The following DNM2 variants were observed in gnomAD, a reference collection of about 807,000 sequenced individuals.
The protein encoded by DNM2 is dynamin 2, also known as dynamin-2.
In DNM2, 15 loss-of-function variants were observed where a neutral mutation model predicts 99.0. The ratio of observed to expected loss-of-function variants is 0.15; its 90% confidence interval spans 0.10 to 0.23. The LOEUF is 0.23. DNM2 is among the 10% of genes least tolerant of loss of function. DNM2 has a pLI of 1.00. For missense variants in DNM2, 742 were observed against 1,189.4 expected, an observed-to-expected ratio of 0.62 and a Z score of 5.53; for synonymous variants, 525 against 481.2, an observed-to-expected ratio of 1.09 and a Z score of -1.19.
At position 10,718,680 on chromosome 19, in the gene DNM2, G is replaced by C. The variant is rs1403989365; in HGVS notation, c.161+277G>C. ...GAACCCTGCGGTCCATCTGGTCCCA[G>C]CTTTCGTGGGTGAAGTCTGCCATCT... On this transcript the variant is annotated intron_variant, in intron 1 of 20. Coordinates refer to ENST00000389253, the MANE Select transcript of DNM2 (RefSeq NM_001005361.3). The C allele has an allele frequency of 2.5e-4, 76 of 300,950 alleles. 1 individual carries two copies. The highest frequency in any genetic ancestry group is 1.8e-5 in the Non-Finnish European group (3 of 170,132). 18.6% of individuals were successfully genotyped at this position (300,950 alleles called of 1,614,324 possible).
At chr19:10,808,159 AAG>A (rs1490707061) in intron 13 of DNM2, among the ~76,000 whole-genome samples, 2 of 151,736 alleles carry the variant, frequency 1.3e-5, no homozygotes, top group Non-Finnish European at 2.9e-5. Flanking sequence ...AAAAAAAAGA[AAG>A]AAAGAAAAGG....
chr19:10,735,599 C>T (rs1179035746), intron 1 of DNM2, among the ~76,000 whole-genome samples: 3 of 151,908 alleles, frequency 2.0e-5, no homozygotes, highest in Non-Finnish European at 1.5e-5. Context: ...CTGCGACCTC[C>T]GCCTCCCGGA....
In DNM2 at chr19:10,742,438, G is replaced by C. The variant is rs187567868; in HGVS notation, c.162-17300G>C. Among the ~76,000 whole-genome samples, 3 of 152,304 alleles carry C rather than the reference G, an allele frequency of 2.0e-5. No homozygotes were observed. The East Asian group carries it at 5.8e-4, about 29-fold the overall frequency. Reference sequence around the variant, plus strand: ...GGGCCTTATGCGTGCTAGACCCTGGGTTTGTCCTGCTGACAACCCCATAGT... The same window carrying C: ...GGGCCTTATGCGTGCTAGACCCTGGCTTTGTCCTGCTGACAACCCCATAGT... On this transcript the variant is annotated intron_variant, in intron 1 of 20. Transcript: ENST00000389253.
Position 10,818,916 on chromosome 19 carries a change from C to T in DNM2, c.1672-1064C>T, listed in dbSNP as rs2072872689. 1.3e-5 allele frequency among the ~76,000 whole-genome samples: 2 copies of T among 152,124 alleles called. No homozygotes were observed. The highest frequency in any genetic ancestry group is 4.1e-4 in the South Asian group (2 of 4,828). On this transcript the variant is annotated intron_variant, in intron 15 of 20. Coordinates refer to ENST00000389253, the MANE Select transcript of DNM2 (RefSeq NM_001005361.3). The surrounding 1 kb of genome is among the most constrained non-coding windows in gnomAD (Gnocchi z 4.3). The stretch of plus-strand genomic sequence containing the variant: ...CTAGGAGGGATCCGTGAACTGAGAC[C>T]AAGCAGTGCATGGCATGGGTCCCCA...
chr19:10,748,666 C>T (rs926277265), intron 1 of DNM2, among the ~76,000 whole-genome samples: 1 of 152,188 alleles, frequency 6.6e-6, no homozygotes, highest in African/African-American at 2.4e-5. Flanking sequence ...GGTGTCCCAC[C>T]CACATTCGTG....
intron 1 of DNM2, among the ~76,000 whole-genome samples, chr19:10,757,501 G>T (rs140436201): frequency 6.6e-6 from 1 of 152,208 alleles, no homozygotes; most frequent in Admixed American, 6.5e-5. Context: ...CCACCTGCCA[G>T]CTGGGAATGA....
intron 2 of DNM2, among the ~76,000 whole-genome samples, chr19:10,760,570 G>A (rs1030187432): frequency 6.6e-6 from 1 of 152,008 alleles, no homozygotes; most frequent in Non-Finnish European, 1.5e-5. Flanking sequence ...CCAGATATCT[G>A]GCTGGTTTTA....
At chr19:10,788,345 G>C (rs1276758513) in intron 7 of DNM2, among the ~76,000 whole-genome samples, 3 of 152,242 alleles carry the variant, frequency 2.0e-5, no homozygotes, top group Non-Finnish European at 4.4e-5. Flanking sequence ...CCTGGGGCAG[G>C]ACTGGGCCGG....
chr19:10,813,597 G>A (rs2072628515), intron 15 of DNM2, among the ~76,000 whole-genome samples: 1 of 151,996 alleles, frequency 6.6e-6, no homozygotes, highest in African/African-American at 2.4e-5. Flanking sequence ...GCTGAGGTGG[G>A]AGGATGGCCT....
intron 17 of DNM2, chr19:10,824,725 G>T: frequency 2.6e-6 from 1 of 385,438 alleles, no homozygotes; most frequent in Non-Finnish European, 4.9e-6. Context: ...GATCACTTGA[G>T]CTCTCCCTGG....
chr19:10,799,159 C>A (rs1384843522), intron 11 of DNM2, among the ~76,000 whole-genome samples: 1 of 152,146 alleles, frequency 6.6e-6, no homozygotes, highest in Admixed American at 6.5e-5. Flanking sequence ...CCCACAAGAT[C>A]AAGGCTTCAG....
chr19:10,769,297 C>G (rs2070899858), intron 2 of DNM2: 1 of 152,378 alleles, frequency 6.6e-6, no homozygotes, highest in Non-Finnish European at 1.5e-5. Context: ...CCAGTACATG[C>G]TGGGCTCTGG....
Position 10,776,811 on chromosome 19 carries a change from G to A in DNM2, c.590-307G>A, listed in dbSNP as rs114463409. Among the ~76,000 whole-genome samples the A allele has an allele frequency of 3.3e-3, 496 of 152,336 alleles. 1 individual carries two copies. The highest frequency in any genetic ancestry group is 0.011 in the African/African-American group (475 of 41,574). On this transcript the variant is annotated intron_variant, in intron 4 of 20. Transcript: ENST00000389253. ...AATCTGGCCCAGGAATCATGTTTAC[G>A]TGAGGTTTCCCAAAGCCTGCAGCAG...
intron 12 of DNM2, among the ~76,000 whole-genome samples, chr19:10,804,563 G>A (rs2072269462): frequency 6.6e-6 from 1 of 152,042 alleles, no homozygotes; most frequent in Non-Finnish European, 1.5e-5. Flanking sequence ...TGGTGGTGGT[G>A]CGTAATCTCA....
chr19:10,758,735 CG>C (rs1568283190), intron 1 of DNM2, among the ~76,000 whole-genome samples: 1 of 151,214 alleles, frequency 6.6e-6, no homozygotes, highest in Non-Finnish European at 1.5e-5. Context: ...TTAGTAGAGA[CG>C]GGGTTTCGCC....
rs1306630821 is a variant in DNM2, at chr19:10,772,840, G to A, written c.385+212G>A. On this transcript the variant is annotated intron_variant, in intron 3 of 20. Transcript: ENST00000389253. This position sits in a 1 kb window ranked among gnomAD's most constrained non-coding sequence, Gnocchi z 4.9. Reference sequence around the variant, plus strand: ...CTGTCTCAGCTTGAAGAAAGAGCATGCCAAGAAGTTGTTTGGAGTGGTGGG... The same window carrying A: ...CTGTCTCAGCTTGAAGAAAGAGCATACCAAGAAGTTGTTTGGAGTGGTGGG... Among the ~76,000 whole-genome samples the A allele has an allele frequency of 6.6e-6, 1 of 152,168 alleles. No individual in the cohort carries two copies. Among genetic ancestry groups the A allele is most frequent in the East Asian group, 1.9e-4 (1 of 5,198 alleles).
At chr19:10,802,529 A>G (rs934902268) in intron 12 of DNM2, 171 bp downstream of exon 12, 1 of 755,346 alleles carries the variant, frequency 1.3e-6, no homozygotes. Flanking sequence ...TCCTGGGCTG[A>G]TAGTGGTCCA....
At chr19:10,721,977 C>A (rs891632782) in intron 1 of DNM2, among the ~76,000 whole-genome samples, 1 of 152,168 alleles carries the variant, frequency 6.6e-6, no homozygotes, top group Non-Finnish European at 1.5e-5. Flanking sequence ...CCATGTCTGG[C>A]TGTGCGACTC....
intron 2 of DNM2, among the ~76,000 whole-genome samples, chr19:10,761,708 G>C (rs2069303338): frequency 6.6e-6 from 1 of 152,148 alleles, no homozygotes; most frequent in Admixed American, 6.5e-5. Context: ...CCCAGATCTG[G>C]GACCTGCATC....
Sources: gnomAD v4.1 joint callset for allele counts (sites outside exome capture counted in the v4.1 genomes callset) on GRCh38, gnomAD v4.1.1 for gene constraint, Gnocchi (gnomAD v3.1) non-coding constraint, MANE v1.5 for transcripts, NCBI Gene and HGNC (gene_info 2026-07-23, HGNC 2026-07-21) for gene names.